Variants in GLG1 observed in about 807,000 individuals in gnomAD.
GLG1 encodes Golgi apparatus protein 1.
In GLG1, 38 loss-of-function variants were observed where a neutral mutation model predicts 160.5. The observed-to-expected ratio is 0.24, with a 90% CI of 0.18 to 0.31. The LOEUF is 0.31. Among genes scored for constraint, GLG1 ranks in the 10% least tolerant of loss-of-function variants. GLG1 has a pLI of 1.00. For synonymous variants in GLG1, 644 were observed against 543.4 expected (o/e 1.19, Z -2.57); for missense variants, 1,373 against 1,505.2 (o/e 0.91, Z 1.45).
At chr16:74,480,172 GA>G in intron 11 of GLG1, 68 bp downstream of exon 11, 1 of 1,274,584 alleles carries the variant, frequency 7.8e-7, no homozygotes, top group Non-Finnish European at 1.1e-6. Context: ...GAAATCAGAA[GA>G]ATATACAGCA....
intron 2 of GLG1, among the ~76,000 whole-genome samples, chr16:74,512,725 A>G (rs1463013557): frequency 4.6e-5 from 7 of 152,194 alleles, no homozygotes; most frequent in Non-Finnish European, 8.8e-5. Context: ...CAAGAAGCTC[A>G]ACCACAGGAG....
rs1432811491 is a variant in GLG1, at chr16:74,496,576, T to C, written c.843A>G (p.Arg281=). 5 of 1,613,666 alleles carry C rather than the reference T, an allele frequency of 3.1e-6. No homozygotes were observed. Among genetic ancestry groups the C allele is most frequent in the Non-Finnish European group, 4.2e-6 (5 of 1,179,614 alleles). ...GTTCAGAAACTTGAATCTTGGGTTC[T>C]CTTTCTTCTGCTTCTTTCACCAGGC... The part of the protein sequence containing the change: ...EKGLVKEAEE[R]EPKIQVSELC... The change falls in exon 5 of 26, where the codon AGA becomes AGG. Residue 281 remains arginine, a synonymous_variant. Coordinates refer to ENST00000422840, the MANE Select transcript of GLG1 (RefSeq NM_001145667.2).
chr16:74,590,412 G>A (rs1437966695), intron 1 of GLG1, among the ~76,000 whole-genome samples: 1 of 151,944 alleles, frequency 6.6e-6, no homozygotes, highest in African/African-American at 2.4e-5. Context: ...GAAGTCAGGA[G>A]TTCGAGACCA....
rs770887358 is a variant in GLG1 at position 74,470,045 on chromosome 16, T to G, written c.2258A>C (p.Tyr753Ser). ...LVQMKDFRFS[Y>S]KFKMACKEDV... ...CTCCTTGCAGGCCATTTTAAACTTG[T>G]AAGAAAACCGAAAATCCTTCATCTG... Residue 753 changes from tyrosine (Y) to serine (S), a missense_variant, in exon 16 of 26, where the codon TAC becomes TCC. Tyr to Ser is a moderately radical substitution (Grantham distance 144, BLOSUM62 -2). Around this residue, in one of 4 missense-constraint regions of GLG1, gnomAD observed 491 missense variants for 632.1 expected, o/e 0.78. Coordinates refer to ENST00000422840, the MANE Select transcript of GLG1 (RefSeq NM_001145667.2). The G allele has an allele frequency of 6.2e-7, 1 of 1,609,742 alleles. No homozygotes were observed. Among genetic ancestry groups the G allele is most frequent in the Non-Finnish European group, 8.5e-7 (1 of 1,176,142 alleles).
chr16:74,550,058 C>T (rs1323120379), intron 1 of GLG1, among the ~76,000 whole-genome samples: 2 of 152,212 alleles, frequency 1.3e-5, no homozygotes, highest in Non-Finnish European at 2.9e-5. Flanking sequence ...GTTGAGGCTG[C>T]AATGAGCCAT....
At chr16:74,468,915 GT>G (rs2015098182) in intron 17 of GLG1, 30 bp downstream of exon 17, 1 of 1,378,432 alleles carries the variant, frequency 7.3e-7, no homozygotes, top group African/African-American at 1.4e-5. Context: ...GCCCACTGTG[GT>G]TTCTGGGAGC....
chr16:74,499,815 A>C (rs1196398296), intron 4 of GLG1, among the ~76,000 whole-genome samples: 1 of 152,164 alleles, frequency 6.6e-6, no homozygotes, highest in African/African-American at 2.4e-5. Context: ...CATCCTGGCT[A>C]ACACTGTGAA....
intron 1 of GLG1, among the ~76,000 whole-genome samples, chr16:74,599,714 A>G (rs111810067): frequency 1.3e-5 from 2 of 152,156 alleles, no homozygotes; most frequent in East Asian, 3.8e-4. Context: ...AATGCAAAAA[A>G]TTAGCCGGGC....
rs2014201269 is a variant in GLG1 at position 74,449,464 on chromosome 16, A to C, written c.*3703T>G. Reference sequence around the variant, plus strand: ...TCCAGTGTGCCTTGATAAAACGTAAAACATGAATGAAGACACTCTCACCAT... The same window carrying C: ...TCCAGTGTGCCTTGATAAAACGTAACACATGAATGAAGACACTCTCACCAT... On this transcript the variant is annotated 3_prime_UTR_variant, in exon 26 of 26. Transcript: ENST00000422840. 6.6e-6 allele frequency: 1 copy of C among 152,178 alleles called. No homozygotes were observed. The highest frequency in any genetic ancestry group is 1.5e-5 in the Non-Finnish European group (1 of 68,034). 9.4% of individuals were successfully genotyped at this position (152,178 alleles called of 1,614,324 possible).
rs189641266 is a variant in GLG1, at chr16:74,603,014, C to T, written c.438+3643G>A. On this transcript the variant is annotated intron_variant, in intron 1 of 25. Transcript: ENST00000422840. ...CTGAGACAGGAGAATCACTTGAACC[C>T]AGAAGGCAGAGGTTGCAGTGAGCCA... 5.3e-5 allele frequency among the ~76,000 whole-genome samples: 8 copies of T among 151,992 alleles called. No homozygotes were observed. In the South Asian group the frequency reaches 1.7e-3, roughly 32 times the overall value.
In GLG1 at chr16:74,477,515, C is replaced by T; in HGVS notation, c.1846G>A (p.Ala616Thr). The T allele has an allele frequency of 1.9e-6, 3 of 1,613,518 alleles. No individual in the cohort carries two copies. Among genetic ancestry groups the T allele is most frequent in the Non-Finnish European group, 2.5e-6 (3 of 1,179,554 alleles). The change falls in exon 12 of 26, where the codon GCT becomes ACT. Residue 616 changes from alanine to threonine, a missense_variant. By Grantham distance (58) the Ala-to-Thr change is moderately conservative. Transcript: ENST00000422840. ...TGGTGTAGGATCCTTTGGACTTCAG[C>T]TCGGCACTCCCGTGAGAGCTGCATG... ...QGRRLSRECR[A>T]EVQRILHQRA...
chr16:74,478,480 C>A (rs745943330), intron 11 of GLG1, among the ~76,000 whole-genome samples: 6 of 152,080 alleles, frequency 3.9e-5, no homozygotes, highest in Non-Finnish European at 7.3e-5. Context: ...GCCAGCATAC[C>A]TGGGGCAGGA....
At chr16:74,513,646 A>G (rs1268171506) in intron 2 of GLG1, among the ~76,000 whole-genome samples, 1 of 152,236 alleles carries the variant, frequency 6.6e-6, no homozygotes, top group Non-Finnish European at 1.5e-5. Context: ...CCCCATTCGT[A>G]GGTCACCAAC....
chr16:74,497,579 A>C (rs2016244776), intron 4 of GLG1, among the ~76,000 whole-genome samples: 1 of 151,274 alleles, frequency 6.6e-6, no homozygotes, highest in Admixed American at 6.6e-5. Flanking sequence ...CTGGGACCAC[A>C]GGCGCCCGCC....
intron 1 of GLG1, among the ~76,000 whole-genome samples, chr16:74,583,853 G>A (rs1363379830): frequency 2.6e-5 from 4 of 152,174 alleles, no homozygotes; most frequent in African/African-American, 9.7e-5. Context: ...AGGGGGAGCT[G>A]AGGGTATCAT....
At chr16:74,577,828 G>A (rs576896657) in intron 1 of GLG1, among the ~76,000 whole-genome samples, 1 of 151,800 alleles carries the variant, frequency 6.6e-6, no homozygotes, top group Non-Finnish European at 1.5e-5. Flanking sequence ...TGTTACTTGG[G>A]CTGATCTCAA....
At chr16:74,584,591 G>A (rs1016068814) in intron 1 of GLG1, among the ~76,000 whole-genome samples, 2 of 152,046 alleles carry the variant, frequency 1.3e-5, no homozygotes, top group Non-Finnish European at 2.9e-5. Context: ...GGGACTTGGG[G>A]TAGAGGGTGG....
Position 74,496,468 on chromosome 16 carries a change from T to C in GLG1, c.951A>G (p.Arg317=), listed in dbSNP as rs751653504. 3 of 1,613,770 alleles carry C rather than the reference T, an allele frequency of 1.9e-6. No homozygotes were observed. The highest frequency in any genetic ancestry group is 2.5e-6 in the Non-Finnish European group (3 of 1,179,706). The change falls in exon 5 of 26, where the codon CGA becomes CGG. Residue 317 remains arginine, a synonymous_variant. Transcript: ENST00000422840. ...TTTCACAAAAACGCTCCCGATCATCTCGGCAAGCAAAATATAAATGCCGGT... is the reference window on the plus strand; with the variant it reads ...TTTCACAAAAACGCTCCCGATCATCCCGGCAAGCAAAATATAAATGCCGGT... ...HLDRHLYFAC[R]DDRERFCENT...
At chr16:74,575,331 ATTACT>A in intron 1 of GLG1, among the ~76,000 whole-genome samples, 1 of 152,318 alleles carries the variant, frequency 6.6e-6, no homozygotes, top group Admixed American at 6.5e-5. Context: ...GAGATGCACC[ATTACT>A]TTACGTACCA....
Sources: allele counts gnomAD v4.1 joint callset (sites outside exome capture counted in the v4.1 genomes callset), GRCh38; gene constraint gnomAD v4.1.1; regional missense constraint gnomAD v4.1.1; transcripts MANE v1.5; gene names NCBI Gene and HGNC (gene_info 2026-07-23, HGNC 2026-07-21).